Variants in GDPD2 observed in about 807,000 individuals in gnomAD.
GDPD2 encodes glycerophosphodiester phosphodiesterase domain containing 2, also known as glycerophosphodiester phosphodiesterase 3.
In GDPD2, 23 loss-of-function variants were observed where a neutral mutation model predicts 49.2. The ratio of observed to expected loss-of-function variants is 0.47; its 90% CI spans 0.34 to 0.66. The LOEUF is 0.66. GDPD2 is among the 30% of genes least tolerant of loss of function. The pLI is 0.01. For missense variants in GDPD2, 338 were observed against 424.7 expected, an observed-to-expected ratio of 0.80 and a Z score of 1.79; for synonymous variants, 167 against 171.4, an observed-to-expected ratio of 0.97 and a Z score of 0.20.
intron 10 of GDPD2, 57 bp downstream of exon 10, chrX:70,427,520 A>G (rs1392149849): frequency 4.9e-6 from 5 of 1,012,504 alleles, no homozygotes; most frequent in Non-Finnish European, 6.9e-6. Context: ...GAGAGGGCAG[A>G]GTTCATTCTG....
chrX:70,424,945 G>A (rs1299345576), intron 1 of GDPD2, 31 bp from the exon 2 acceptor site: 1 of 943,201 alleles, frequency 1.1e-6, no homozygotes, highest in Non-Finnish European at 1.5e-6. Context: ...CTCTGCCAGG[G>A]TCCCTGATGG....
In GDPD2 at chrX:70,425,453, A is replaced by C; in HGVS notation, c.205A>C (p.Asn69His). The change falls in exon 3 of 16, where the codon AAT becomes CAT. Residue 69 changes from asparagine to histidine, a missense_variant. This residue lies in a region of GDPD2 where 75 missense variants were observed against 67.6 expected (regional missense o/e 1.11). Coordinates refer to ENST00000374382, the MANE Select transcript of GDPD2 (RefSeq NM_017711.4). ...CCTTCTCAATGACCTGCACAACTTCAATGAGTGTGTCATGGATTCCCCCTG... is the reference window on the plus strand; with the variant it reads ...CCTTCTCAATGACCTGCACAACTTCCATGAGTGTGTCATGGATTCCCCCTG... ...LVLLNDLHNF[N>H]EFLFRRWGHW... 8.8e-7 allele frequency: 1 copy of C among 1,132,103 alleles called. No individual in the cohort carries two copies. The highest frequency in any genetic ancestry group is 1.2e-6 in the Non-Finnish European group (1 of 823,452). The allele number at this position is 1,132,103 out of a possible 1,213,427, so 93.3% of individuals were successfully genotyped here.
intron 12 of GDPD2, chrX:70,431,039 C>A: frequency 1.2e-6 from 1 of 812,559 alleles, no homozygotes; most frequent in Non-Finnish European, 1.8e-6. Flanking sequence ...CTTCCTGCCT[C>A]GGCCTCCCAA....
At position 70,426,974 on chromosome X, in the gene GDPD2, C is replaced by A; in HGVS notation, c.665C>A (p.Pro222His). Residue 222 changes from proline to histidine, a missense_variant, in exon 8 of 16, where the codon CCC (proline) becomes CAC (histidine). Physicochemically the swap from Pro to His is moderately conservative, Grantham distance 77. Around this residue, in one of 3 missense-constraint regions of GDPD2, gnomAD observed 253 missense variants for 330.4 expected, o/e 0.77. Coordinates refer to ENST00000374382, the MANE Select transcript of GDPD2 (RefSeq NM_017711.4). ...ATCATGGAACCCAGAGACTTACCAC[C>A]CAAGCCTGGGCTGGTGGGACACCGA... Reference protein sequence around the residue: ...PCIMEPRDLPPKPGLVGHRGA... With the variant: ...PCIMEPRDLPHKPGLVGHRGA... 2 of 1,211,261 alleles carry A rather than the reference C, an allele frequency of 1.7e-6. No homozygotes were observed. Among genetic ancestry groups the A allele is most frequent in the Admixed American group, 4.3e-5 (2 of 46,067 alleles).
In GDPD2 at chrX:70,425,000, G is replaced by A. The variant is rs752152036; in HGVS notation, c.16G>A (p.Gly6Ser). Residue 6 changes from glycine (G) to serine (S), a missense_variant, in exon 2 of 16, where the codon GGC (glycine) becomes AGC (serine). Physicochemically the swap from Gly to Ser is moderately conservative, Grantham distance 56. Around this residue, in one of 3 missense-constraint regions of GDPD2, gnomAD observed 75 missense variants for 67.6 expected, o/e 1.11. Coordinates refer to ENST00000374382, the MANE Select transcript of GDPD2 (RefSeq NM_017711.4). MAESP[G>S]CCSVWARCLH... ...GGCCTTCACCATGGCCGAGTCCCCC[G>A]GCTGCTGCTCCGTCTGGGCCCGCTG... 1.7e-6 allele frequency: 2 copies of A among 1,194,466 alleles called. No individual in the cohort carries two copies. Among genetic ancestry groups the A allele is most frequent in the South Asian group, 1.8e-5 (1 of 54,445 alleles).
intron 10 of GDPD2, 184 bp downstream of exon 10, chrX:70,427,647 A>G: frequency 2.5e-6 from 1 of 405,330 alleles, no homozygotes; most frequent in Non-Finnish European, 4.3e-6. Context: ...CCAGAGCAAT[A>G]AAAACATTTT....
intron 12 of GDPD2, 133 bp from the exon 13 acceptor site, chrX:70,432,174 G>A: frequency 3.9e-6 from 2 of 513,388 alleles, no homozygotes; most frequent in Non-Finnish European, 6.6e-6. Context: ...TTGGTCAGGG[G>A]CTGCTATGGA....
At chrX:70,429,064 G>T (rs1244533694) in intron 10 of GDPD2, among the ~76,000 whole-genome samples, 1 of 112,207 alleles carries the variant, frequency 8.9e-6, no homozygotes, top group African/African-American at 3.2e-5. Context: ...AGGGGTGGAG[G>T]AGGCAGACAA....
chrX:70,432,484 C>T (rs2086486809), intron 13 of GDPD2, 30 bp downstream of exon 13: 12 of 1,190,466 alleles, frequency 1.0e-5, no homozygotes, highest in Non-Finnish European at 1.4e-5. Context: ...CACCTCTCCT[C>T]TTCTCCCATC....
chrX:70,428,092 TACACACACAC>T (rs10578514), intron 10 of GDPD2, among the ~76,000 whole-genome samples: 4 of 105,860 alleles, frequency 3.8e-5, no homozygotes, highest in Admixed American at 2.0e-4. Context: ...AACAGTTGGA[TACACACACAC>T]ACACACACAC....
chrX:70,429,529 C>T lies in GDPD2; in HGVS notation c.973C>T (p.Pro325Ser), dbSNP rs1300979275. The T allele has an allele frequency of 8.3e-7, 1 of 1,208,961 alleles. No homozygotes were observed. The highest frequency in any genetic ancestry group is 3.0e-5 in the East Asian group (1 of 33,822). The change falls in exon 11 of 16, where the codon CCT becomes TCT. Residue 325 changes from proline (P) to serine (S), a missense_variant. Pro to Ser is a moderately conservative substitution (Grantham distance 74). Coordinates refer to ENST00000374382, the MANE Select transcript of GDPD2 (RefSeq NM_017711.4). Reference protein sequence around the residue: ...PFWGAKPLAGPDQKEAESQTV... With the variant: ...PFWGAKPLAGSDQKEAESQTV... ...CTGGGGGGCCAAACCGCTGGCAGGC[C>T]CTGATCAGAAAGAGGCTGAGAGTCA...
chrX:70,428,897 C>T (rs774041918), intron 10 of GDPD2, among the ~76,000 whole-genome samples: 5 of 111,956 alleles, frequency 4.5e-5, no homozygotes, highest in African/African-American at 6.5e-5. Flanking sequence ...AGGAGAGTAG[C>T]AGAGGCTTGG....
chrX:70,427,443 G>T lies in GDPD2; in HGVS notation c.916G>T (p.Ala306Ser). ...CTGGACTGAACTGAAGAGACTCAAT[G>T]CTGGATCCTGGTTCCTAGAGGTGAG... ...FSWTELKRLNAGSWFLERRPF... is the reference protein window; with the variant it reads ...FSWTELKRLNSGSWFLERRPF... Residue 306 changes from alanine to serine, a missense_variant, in exon 10 of 16, where the codon GCT becomes TCT. Physicochemically the swap from Ala to Ser is moderately conservative, Grantham distance 99. Transcript: ENST00000374382. The T allele has an allele frequency of 8.3e-7, 1 of 1,210,278 alleles. No homozygotes were observed. Among genetic ancestry groups the T allele is most frequent in the Non-Finnish European group, 1.1e-6 (1 of 894,292 alleles).
At chrX:70,431,268 T>C (rs2086474401) in intron 12 of GDPD2, 3 of 474,475 alleles carry the variant, frequency 6.3e-6, no homozygotes, top group Non-Finnish European at 1.1e-5. Context: ...TGGTATTGAA[T>C]ACACTGATGA....
rs763260838 is a variant in GDPD2, at chrX:70,427,131, T to C, written c.703-6T>C. On this transcript the variant is annotated splice_polypyrimidine_tract_variant and splice_region_variant and intron_variant, in intron 8 of 15. Transcript: ENST00000374382. ...CTGCTACCTCATCACCTATTCCCTT[T>C]CCCAGCTGGCTCCCGAGAACACCCT... The C allele has an allele frequency of 8.3e-7, 1 of 1,200,617 alleles. No homozygotes were observed. The highest frequency in any genetic ancestry group is 3.0e-5 in the East Asian group (1 of 33,773).
chrX:70,423,437 C>T (rs2086395435), intron 1 of GDPD2, 55 bp downstream of exon 1: 1 of 112,084 alleles, frequency 8.9e-6, no homozygotes, highest in South Asian at 3.7e-4. Context: ...GGAGCAGAGA[C>T]CAGCTCCATC....
chrX:70,432,633 C>T lies in GDPD2; in HGVS notation c.1510C>T (p.Leu504=). The part of the protein sequence containing the change: ...WVITNCVSTM[L]LLWTFLLQRR... ...CATTACCAATTGTGTTTCCACCATG[C>T]TGCTTTTGTGGACCTTCCTCCTCCA... The change falls in exon 14 of 16, where the codon CTG becomes TTG. Residue 504 remains leucine, a synonymous_variant. Coordinates refer to ENST00000374382, the MANE Select transcript of GDPD2 (RefSeq NM_017711.4). 1 of 1,204,260 alleles carries T rather than the reference C, an allele frequency of 8.3e-7. No homozygotes were observed. The highest frequency in any genetic ancestry group is 1.1e-6 in the Non-Finnish European group (1 of 888,725).
In GDPD2 at chrX:70,426,726, C is replaced by T. The variant is rs755375130; in HGVS notation, c.541C>T (p.Arg181Cys). Residue 181 changes from arginine to cysteine, a missense_variant, in exon 7 of 16, where the codon CGT (arginine) becomes TGT (cysteine). By Grantham distance (180) the Arg-to-Cys change is radical (BLOSUM62 -3). This residue lies in a region of GDPD2 where 253 missense variants were observed against 330.4 expected (regional missense o/e 0.77). Coordinates refer to ENST00000374382, the MANE Select transcript of GDPD2 (RefSeq NM_017711.4). ...CTGGCCTGTGGCTGATACCTTCTAC[C>T]GTATCCACCGAAGAGGTGCCAACGC... ...LAWPVADTFY[R>C]IHRRGPKILL... 1.1e-5 allele frequency: 13 copies of T among 1,201,663 alleles called. No individual in the cohort carries two copies. Among genetic ancestry groups the T allele is most frequent in the East Asian group, 5.9e-5 (2 of 33,710 alleles).
At chrX:70,426,337 G>T in intron 5 of GDPD2, 34 bp from the exon 6 acceptor site, 1 of 1,160,644 alleles carries the variant, frequency 8.6e-7, no homozygotes, top group South Asian at 1.8e-5. Context: ...AGCCCAAATT[G>T]ACCAAGAGGC....
Sources: allele counts gnomAD v4.1 joint callset (sites outside exome capture counted in the v4.1 genomes callset), GRCh38; gene constraint gnomAD v4.1.1; regional missense constraint gnomAD v4.1.1; transcripts MANE v1.5; gene names NCBI Gene and HGNC (gene_info 2026-07-23, HGNC 2026-07-21).